DLG2: variants seen among roughly 807,000 people sequenced by gnomAD.
The protein encoded by DLG2 is disks large homolog 2.
In DLG2, 45 loss-of-function variants were observed where a neutral mutation model predicts 132.5. The observed-to-expected ratio is 0.34, with a 90% CI of 0.27 to 0.44. The LOEUF is 0.44. Among genes scored for constraint, DLG2 ranks in the 20% least tolerant of loss-of-function variants. The pLI, the probability that DLG2 is intolerant of heterozygous loss-of-function variation, is 1.00. For synonymous variants in DLG2, 424 were observed against 419.6 expected, an observed-to-expected ratio of 1.01 and a Z score of -0.13; for missense variants, 1,045 against 1,196.9, an observed-to-expected ratio of 0.87 and a Z score of 1.87.
At chr11:84,137,013 A>C (rs1364961406) in intron 9 of DLG2, among the ~76,000 whole-genome samples, 2 of 152,100 alleles carry the variant, frequency 1.3e-5, no homozygotes, top group Non-Finnish European at 2.9e-5. Context: ...AAACTATTCC[A>C]CAGGCTCATT....
chr11:85,546,901 T>C (rs899231960), intron 3 of DLG2, among the ~76,000 whole-genome samples: 1 of 151,500 alleles, frequency 6.6e-6, no homozygotes, highest in Non-Finnish European at 1.5e-5. Flanking sequence ...TGTGTGTCTT[T>C]GCATGTGAGA....
At chr11:85,608,809 G>A (rs909224044) in intron 2 of DLG2, among the ~76,000 whole-genome samples, 2 of 152,162 alleles carry the variant, frequency 1.3e-5, no homozygotes, top group Non-Finnish European at 2.9e-5. Flanking sequence ...GTACATAGAT[G>A]TCCTACAGGG....
chr11:85,328,719 C>A (rs1565330515), intron 3 of DLG2, among the ~76,000 whole-genome samples: 1 of 151,656 alleles, frequency 6.6e-6, no homozygotes, highest in Non-Finnish European at 1.5e-5. Flanking sequence ...CGGCACAAGA[C>A]AAGAATGCCC....
rs78185557 is a variant in DLG2, at chr11:85,137,992, G to A, written c.282+16564C>T. Among the ~76,000 whole-genome samples the A allele has an allele frequency of 1.1e-3, 169 of 151,878 alleles. 5 individuals are homozygous for A. The South Asian group carries it at 0.032, about 29-fold the overall frequency. On this transcript the variant is annotated intron_variant, in intron 5 of 27. Coordinates refer to ENST00000376104, the MANE Select transcript of DLG2 (RefSeq NM_001142699.3). ...CCCGAAAATAATTCATGAAAAGCAG[G>A]AGTCTATGTATTCTGTTCAAGTTAA...
chr11:84,136,395 G>A (rs2094602071), intron 9 of DLG2, among the ~76,000 whole-genome samples: 1 of 152,092 alleles, frequency 6.6e-6, no homozygotes, highest in East Asian at 1.9e-4. Context: ...AAAGGTAAAT[G>A]CTTGTTTTTT....
intron 3 of DLG2, among the ~76,000 whole-genome samples, chr11:85,556,293 C>T (rs2076939023): frequency 6.6e-6 from 1 of 151,838 alleles, no homozygotes; most frequent in African/African-American, 2.4e-5. Flanking sequence ...GTTTAGTACC[C>T]TCCCTCCTCT....
At chr11:83,546,847 A>G (rs948763713) in intron 19 of DLG2, among the ~76,000 whole-genome samples, 1 of 152,166 alleles carries the variant, frequency 6.6e-6, no homozygotes, top group Non-Finnish European at 1.5e-5. Flanking sequence ...CAATTCTCAC[A>G]GCTATCCTGC....
intron 19 of DLG2, among the ~76,000 whole-genome samples, chr11:83,550,421 T>G (rs1309826993): frequency 6.6e-6 from 1 of 152,062 alleles, no homozygotes; most frequent in Non-Finnish European, 1.5e-5. Flanking sequence ...GTCATCAGAG[T>G]CTCCAGGGAC....
intron 7 of DLG2, among the ~76,000 whole-genome samples, chr11:84,281,435 GTCTT>G (rs2097853758): frequency 1.3e-5 from 2 of 150,764 alleles, no homozygotes; most frequent in African/African-American, 4.9e-5. Context: ...CTTTTTTTTT[GTCTT>G]TTTTTAAAAT....
rs117912138 is a variant in DLG2, at chr11:85,281,032, C to T, written c.186+4188G>A. On this transcript the variant is annotated intron_variant, in intron 4 of 27. Transcript: ENST00000376104. ...CTATGGGATGTGAAGGATCAGGGTG[C>T]TGATTTACATTTTCCAGAAACTTCA... Among the ~76,000 whole-genome samples the T allele has an allele frequency of 5.1e-3, 782 of 152,084 alleles. 4 individuals carry two copies. Among genetic ancestry groups the T allele is most frequent in the Non-Finnish European group, 8.3e-3 (561 of 67,938 alleles).
intron 8 of DLG2, among the ~76,000 whole-genome samples, chr11:84,216,835 C>G (rs1035128684): frequency 6.6e-6 from 1 of 152,094 alleles, no homozygotes; most frequent in African/African-American, 2.4e-5. Context: ...CCTGATTTCC[C>G]TACTACCTAA....
intron 3 of DLG2, among the ~76,000 whole-genome samples, chr11:85,429,469 G>C (rs538598770): frequency 6.6e-6 from 1 of 152,074 alleles, no homozygotes; most frequent in African/African-American, 2.4e-5. Flanking sequence ...ATCTAACAAA[G>C]GGCTGATATG....
intron 11 of DLG2, among the ~76,000 whole-genome samples, chr11:83,984,805 C>T (rs1398975930): frequency 1.3e-5 from 2 of 152,008 alleles, no homozygotes; most frequent in African/African-American, 4.8e-5. Context: ...ATATCCATTA[C>T]CTTAAACATT....
chr11:85,191,162 GCACACACACA>G lies in DLG2; in HGVS notation c.187-36521_187-36512del, dbSNP rs3067460. ...TATGCATGCGCGCGCGCGCACGCGC[GCACACACACA>G]CACACACACACACACACACACACAC... On this transcript the variant is annotated intron_variant, in intron 4 of 27. Transcript: ENST00000376104. Among the ~76,000 whole-genome samples the G allele has an allele frequency of 4.9e-3, 692 of 139,918 alleles. 18 individuals are homozygous for G. The East Asian group carries it at 0.097, about 20-fold the overall frequency. 91.8% of individuals were successfully genotyped at this position (139,918 alleles called of 152,430 possible).
intron 6 of DLG2, among the ~76,000 whole-genome samples, chr11:84,641,296 A>G (rs2099663572): frequency 6.6e-6 from 1 of 152,218 alleles, no homozygotes; most frequent in Admixed American, 6.5e-5. Context: ...GTTATGTTGA[A>G]GATGACATAA....
intron 6 of DLG2, among the ~76,000 whole-genome samples, chr11:84,820,278 C>A (rs754035659): frequency 2.0e-5 from 3 of 151,782 alleles, no homozygotes; most frequent in Non-Finnish European, 2.9e-5. Context: ...TTTTCAATAA[C>A]CTCCTTGTGA....
intron 7 of DLG2, among the ~76,000 whole-genome samples, chr11:84,401,825 G>A (rs1390739988): frequency 6.6e-6 from 1 of 152,134 alleles, no homozygotes; most frequent in African/African-American, 2.4e-5. Context: ...TGGGACTACA[G>A]GCGCCTGCCA....
At chr11:83,558,528 A>T (rs1203180553) in intron 19 of DLG2, among the ~76,000 whole-genome samples, 1 of 152,190 alleles carries the variant, frequency 6.6e-6, no homozygotes, top group African/African-American at 2.4e-5. Context: ...TAGGCACTTT[A>T]TATACCTTGG....
At chr11:85,135,590 A>G (rs559193176) in intron 5 of DLG2, among the ~76,000 whole-genome samples, 9 of 152,332 alleles carry the variant, frequency 5.9e-5, no homozygotes, top group Admixed American at 2.0e-4. Context: ...TTGCAGAAAT[A>G]AAACACAGCT....
Sources: allele counts gnomAD v4.1 joint callset (sites outside exome capture counted in the v4.1 genomes callset), GRCh38; gene constraint gnomAD v4.1.1; transcripts MANE v1.5; gene names NCBI Gene and HGNC (gene_info 2026-07-23, HGNC 2026-07-21).